Variants in HMGXB4 observed in about 807,000 individuals in gnomAD.
The protein encoded by HMGXB4 is HMG-box containing 4.
Under a neutral mutation model 63.9 loss-of-function variants are expected in HMGXB4, and 27 were observed. The ratio of observed to expected loss-of-function variants is 0.42; its 90% CI spans 0.31 to 0.58. HMGXB4 has a LOEUF of 0.58. Among genes scored for constraint, HMGXB4 ranks in the 20% least tolerant of loss-of-function variants. The pLI, the probability that HMGXB4 is intolerant of heterozygous loss-of-function variation, is 0.13. For missense variants in HMGXB4, 624 were observed against 700.7 expected (o/e 0.89, Z 1.24); for synonymous variants, 264 against 265.3 (o/e 0.99, Z 0.05).
At chr22:35,247,350 G>T in the HMGXB4 span, among the ~76,000 whole-genome samples, 9 of 152,214 alleles carry the variant, frequency 5.9e-5, no homozygotes, top group Non-Finnish European at 8.8e-5. Flanking sequence ...TATGGTTCCA[G>T]CACTCCACGA....
chr22:35,265,942 A>ATTTT, intron 5 of HMGXB4, among the ~76,000 whole-genome samples: 1 of 135,770 alleles, frequency 7.4e-6, no homozygotes, highest in African/African-American at 2.7e-5. Context: ...CACCCGACTA[A>ATTTT]TTTTTTTTTT....
intron 5 of HMGXB4, among the ~76,000 whole-genome samples, chr22:35,275,049 A>C (rs966641015): frequency 1.3e-5 from 2 of 149,734 alleles, no homozygotes; most frequent in African/African-American, 2.5e-5. Flanking sequence ...GTTTAAGGGA[A>C]TTTCTATGGG....
rs1213633860 is a variant in HMGXB4 at position 35,294,968 on chromosome 22, G to A, written c.*1317G>A. 6.6e-6 allele frequency: 1 copy of A among 152,182 alleles called. No individual in the cohort carries two copies. Among genetic ancestry groups the A allele is most frequent in the African/African-American group, 2.4e-5 (1 of 41,442 alleles). The allele number at this position is 152,182 out of a possible 1,614,324, so 9.4% of individuals were successfully genotyped here. On this transcript the variant is annotated 3_prime_UTR_variant, in exon 11 of 11. Transcript: ENST00000216106. The stretch of plus-strand genomic sequence containing the variant: ...ACTTCATGGGCTTCAATAATGTCTA[G>A]AAAGTAAAATAAAGAGGAATGTTAC...
At chr22:35,243,415 C>T in the HMGXB4 span, among the ~76,000 whole-genome samples, 1 of 152,174 alleles carries the variant, frequency 6.6e-6, no homozygotes, top group Non-Finnish European at 1.5e-5. Context: ...GAAACACATT[C>T]ACAGACACAC....
At chr22:35,262,498 A>AG (rs1922925664) in intron 2 of HMGXB4, 77 bp downstream of exon 2, 1 of 1,407,184 alleles carries the variant, frequency 7.1e-7, no homozygotes, top group Non-Finnish European at 1.0e-6. Flanking sequence ...TATAGAGACC[A>AG]GGACTGGGCA....
chr22:35,260,973 T>A (rs1922805818), intron 1 of HMGXB4, among the ~76,000 whole-genome samples: 1 of 152,232 alleles, frequency 6.6e-6, no homozygotes, highest in African/African-American at 2.4e-5. Flanking sequence ...CTTCAGTATT[T>A]CTAAATACCC....
chr22:35,286,133 C>A, intron 7 of HMGXB4, 72 bp downstream of exon 7: 1 of 1,074,276 alleles, frequency 9.3e-7, no homozygotes, highest in Non-Finnish European at 1.4e-6. Context: ...CTTCCATAGA[C>A]TAGCCAGCCA....
Position 35,293,953 on chromosome 22 carries a change from G to A in HMGXB4, c.*302G>A. 1 of 196,390 alleles carries A rather than the reference G, an allele frequency of 5.1e-6. No individual in the cohort carries two copies. The highest frequency in any genetic ancestry group is 1.0e-5 in the Non-Finnish European group (1 of 98,144). 12.2% of individuals were successfully genotyped at this position (196,390 alleles called of 1,614,324 possible). A position where few individuals can be genotyped will look rare whatever the true frequency, so the allele number is the denominator to read the frequency against. On this transcript the variant is annotated 3_prime_UTR_variant, in exon 11 of 11. Coordinates refer to ENST00000216106, the MANE Select transcript of HMGXB4 (RefSeq NM_001003681.3). ...CCTTAAAAATCAATGTAACTTGGGGGCTGGGGGCTTGTTCTGGGTGCCAAG... is the reference window on the plus strand; with the variant it reads ...CCTTAAAAATCAATGTAACTTGGGGACTGGGGGCTTGTTCTGGGTGCCAAG...
At chr22:35,279,790 G>A (rs1453367527) in intron 5 of HMGXB4, among the ~76,000 whole-genome samples, 2 of 145,130 alleles carry the variant, frequency 1.4e-5, no homozygotes, top group South Asian at 2.2e-4. Context: ...TCAAAGATTC[G>A]TTGACTTTAT....
intron 9 of HMGXB4, among the ~76,000 whole-genome samples, chr22:35,288,630 C>A (rs1924738160): frequency 6.6e-6 from 1 of 152,136 alleles, no homozygotes; most frequent in Non-Finnish European, 1.5e-5. Context: ...CTAATGATAT[C>A]CTATTGAAAC....
At chr22:35,290,476 T>C (rs1252028878) in intron 9 of HMGXB4, among the ~76,000 whole-genome samples, 1 of 151,888 alleles carries the variant, frequency 6.6e-6, no homozygotes, top group Non-Finnish European at 1.5e-5. Context: ...AAACCCCATC[T>C]CTACTAAAAA....
chr22:35,274,515 A>T (rs1009953514), intron 5 of HMGXB4, among the ~76,000 whole-genome samples: 8 of 152,184 alleles, frequency 5.3e-5, no homozygotes, highest in Non-Finnish European at 1.0e-4. Context: ...CTAGTTTTTT[A>T]TCTACTATGT....
intron 5 of HMGXB4, among the ~76,000 whole-genome samples, chr22:35,272,438 G>C (rs12484121): frequency 6.6e-6 from 1 of 152,130 alleles, no homozygotes; most frequent in East Asian, 1.9e-4. Context: ...TTTTTGTTTG[G>C]TTGGTTGGTT....
rs1277384867 is a variant in HMGXB4, at chr22:35,257,564, G to A, written c.-69+7G>A. 1.3e-5 allele frequency: 2 copies of A among 152,676 alleles called. No individual in the cohort carries two copies. The highest frequency in any genetic ancestry group is 6.5e-5 in the Admixed American group (1 of 15,284). 9.5% of individuals were successfully genotyped at this position (152,676 alleles called of 1,614,324 possible). A position where few individuals can be genotyped will look rare whatever the true frequency, so the allele number is the denominator to read the frequency against. On this transcript the variant is annotated splice_region_variant and intron_variant, in intron 1 of 10. Coordinates refer to ENST00000216106, the MANE Select transcript of HMGXB4 (RefSeq NM_001003681.3). ...CCGGGCGAGCCGAGTGAAGGTAGCG[G>A]CGAGCGGAGACCCCAGGAGACCGGG...
the HMGXB4 span, among the ~76,000 whole-genome samples, chr22:35,252,102 C>T: frequency 6.6e-6 from 1 of 152,108 alleles, no homozygotes; most frequent in African/African-American, 2.4e-5. Context: ...GTAATCCCAG[C>T]TACTTGGGAG....
At chr22:35,276,547 C>T (rs149104015) in intron 5 of HMGXB4, among the ~76,000 whole-genome samples, 2 of 152,290 alleles carry the variant, frequency 1.3e-5, no homozygotes, top group Non-Finnish European at 2.9e-5. Context: ...AACCCACACC[C>T]CGCCAAATGG....
At chr22:35,254,955 G>C (rs935588764), upstream of HMGXB4, among the ~76,000 whole-genome samples, 10 of 152,196 alleles carry the variant, frequency 6.6e-5, no homozygotes, top group African/African-American at 2.2e-4. Flanking sequence ...GCTAGTGGTA[G>C]AGTGTGGGGA....
Position 35,262,339 on chromosome 22 carries a change from G to A in HMGXB4, c.-52G>A, listed in dbSNP as rs1922914064. 7 of 1,584,926 alleles carry A rather than the reference G, an allele frequency of 4.4e-6. No individual in the cohort carries two copies. Among genetic ancestry groups the A allele is most frequent in the Non-Finnish European group, 6.1e-6 (7 of 1,153,586 alleles). On this transcript the variant is annotated 5_prime_UTR_variant, in exon 2 of 11. Transcript: ENST00000216106. ...GTTTCTCAGACCTGGTCCTGTAGAC[G>A]GGAAGGAGCCTGGACACAGTGACAC...
chr22:35,293,136 A>G, intron 10 of HMGXB4, 22 bp downstream of exon 10: 1 of 1,614,100 alleles, frequency 6.2e-7, no homozygotes, highest in Non-Finnish European at 8.5e-7. Context: ...CTGGATTTTT[A>G]GAGTCAGATC....
Sources: gnomAD v4.1 joint callset for allele counts (sites outside exome capture counted in the v4.1 genomes callset) on GRCh38, gnomAD v4.1.1 for gene constraint, MANE v1.5 for transcripts, NCBI Gene and HGNC (gene_info 2026-07-23, HGNC 2026-07-21) for gene names.